SASH1: variants seen among roughly 807,000 people sequenced by gnomAD.
The protein encoded by SASH1 is SAM and SH3 domain containing 1.
Under a neutral mutation model 125.2 loss-of-function variants are expected in SASH1, and 44 were observed. That is an observed-to-expected ratio of 0.35 (90% CI 0.28 to 0.45). The LOEUF (loss-of-function observed/expected upper bound fraction) is 0.45, where lower values mean the gene tolerates loss of function less well. SASH1 is among the 20% of genes least tolerant of loss of function. The pLI is 1.00. For missense variants in SASH1, 1,426 were observed against 1,614.5 expected, an observed-to-expected ratio of 0.88 and a Z score of 2.00; for synonymous variants, 639 against 649.1, an observed-to-expected ratio of 0.98 and a Z score of 0.24.
At chr6:148,498,124 C>A (rs1042021570) in intron 8 of SASH1, among the ~76,000 whole-genome samples, 1 of 151,836 alleles carries the variant, frequency 6.6e-6, no homozygotes, top group Admixed American at 6.6e-5. Flanking sequence ...TGGCTCACAC[C>A]TGTAATCCCA....
intron 1 of SASH1, among the ~76,000 whole-genome samples, chr6:148,335,618 G>A (rs865899999): frequency 6.6e-6 from 1 of 151,958 alleles, no homozygotes. Flanking sequence ...CAGGGAGGGA[G>A]GGTTGGATCA....
the SASH1 span, among the ~76,000 whole-genome samples, chr6:148,239,462 A>C: frequency 1.3e-5 from 2 of 152,166 alleles, no homozygotes; most frequent in South Asian, 4.1e-4. Context: ...AACCTCTGTG[A>C]AAGGGAAGCT....
the SASH1 span, among the ~76,000 whole-genome samples, chr6:148,214,725 G>A: frequency 6.6e-6 from 1 of 152,150 alleles, no homozygotes; most frequent in Non-Finnish European, 1.5e-5. Flanking sequence ...ATATATTAGA[G>A]AATTCGTGCT....
At chr6:148,346,924 T>C (rs9322146) in intron 1 of SASH1, among the ~76,000 whole-genome samples, 117,150 of 152,126 alleles carry the variant, frequency 0.77, 45,476 homozygotes, top group African/African-American at 0.89. Flanking sequence ...AGCATGTCAC[T>C]TCTCCCTGTG....
chr6:148,286,881 C>T (rs1386371579), intron 1 of SASH1, among the ~76,000 whole-genome samples: 1 of 152,132 alleles, frequency 6.6e-6, no homozygotes, highest in African/African-American at 2.4e-5. Context: ...CCAGAGCGGT[C>T]CAGAGACTCA....
chr6:148,389,203 G>C (rs1783600678), intron 1 of SASH1, among the ~76,000 whole-genome samples: 1 of 152,054 alleles, frequency 6.6e-6, no homozygotes, highest in Non-Finnish European at 1.5e-5. Flanking sequence ...GCCGGCTAAA[G>C]TCTAAGCGCT....
At chr6:148,477,098 A>C (rs1348942645) in intron 7 of SASH1, among the ~76,000 whole-genome samples, 1 of 152,222 alleles carries the variant, frequency 6.6e-6, no homozygotes, top group Non-Finnish European at 1.5e-5. Context: ...TTAAGACTCA[A>C]CTATGAAACT....
chr6:148,261,552 A>G, the SASH1 span, among the ~76,000 whole-genome samples: 1 of 152,204 alleles, frequency 6.6e-6, no homozygotes, highest in South Asian at 2.1e-4. Flanking sequence ...AAGGATTTCT[A>G]GATACAGGTG....
chr6:148,456,428 CT>C (rs1339108645), intron 4 of SASH1, among the ~76,000 whole-genome samples: 1 of 152,242 alleles, frequency 6.6e-6, no homozygotes, highest in Non-Finnish European at 1.5e-5. Context: ...AGAGGAGCCC[CT>C]GCCAGCCTCA....
chr6:148,321,154 G>A (rs1204399828), intron 1 of SASH1, among the ~76,000 whole-genome samples: 1 of 152,176 alleles, frequency 6.6e-6, no homozygotes, highest in Admixed American at 6.6e-5. Flanking sequence ...TGCCTTGTGA[G>A]GCCAAGGCAG....
At chr6:148,514,064 C>A in intron 8 of SASH1, 1 of 1,190,246 alleles carries the variant, frequency 8.4e-7, no homozygotes, top group Non-Finnish European at 1.0e-6. Flanking sequence ...GAGACAGATG[C>A]CCCCACAGGC....
chr6:148,338,182 G>A (rs1458969047), upstream of SASH1, among the ~76,000 whole-genome samples: 1 of 152,126 alleles, frequency 6.6e-6, no homozygotes, highest in Non-Finnish European at 1.5e-5. Flanking sequence ...CACCACTTTG[G>A]GAGGCCAAGG....
chr6:148,537,820 GTGTGTGTGTGTGGT>G (rs1279828023), intron 16 of SASH1, among the ~76,000 whole-genome samples: 5 of 135,910 alleles, frequency 3.7e-5, no homozygotes, highest in Admixed American at 7.5e-5. Flanking sequence ...GTGTGTGTGT[GTGTGTGTGTGTGGT>G]TGGTGAGGCT....
chr6:148,343,071 G>A lies in SASH1; in HGVS notation c.4G>A (p.Glu2Lys). 6.7e-7 allele frequency: 1 copy of A among 1,497,742 alleles called. No individual in the cohort carries two copies. Among genetic ancestry groups the A allele is most frequent in the Non-Finnish European group, 8.9e-7 (1 of 1,128,780 alleles). The allele number at this position is 1,497,742 out of a possible 1,614,324, so 92.8% of individuals were successfully genotyped here. Residue 2 changes from glutamate (E) to lysine (K), a missense_variant, in exon 1 of 20, where the codon GAG becomes AAG. Glu to Lys is a moderately conservative substitution (Grantham distance 56, BLOSUM62 1). Transcript: ENST00000367467. Reference protein sequence around the residue: MEDAGAAGPGPE... With the variant: MKDAGAAGPGPE... The stretch of plus-strand genomic sequence containing the variant: ...GGCCCGCGCGCGGGACACGGCCATG[G>A]AGGACGCGGGAGCAGCTGGCCCGGG...
intron 1 of SASH1, among the ~76,000 whole-genome samples, chr6:148,293,614 G>C (rs540805179): frequency 3.5e-4 from 53 of 152,134 alleles, no homozygotes; most frequent in Non-Finnish European, 6.2e-4. Context: ...TGGAGGGGGA[G>C]GGGGAGGGGA....
chr6:148,197,485 T>C, the SASH1 span, among the ~76,000 whole-genome samples: 2 of 152,178 alleles, frequency 1.3e-5, no homozygotes, highest in East Asian at 3.8e-4. Flanking sequence ...CCAAGTCCTT[T>C]CTAGAAAATT....
chr6:148,433,980 G>A (rs1000305803), intron 2 of SASH1, among the ~76,000 whole-genome samples: 1 of 151,358 alleles, frequency 6.6e-6, no homozygotes, highest in Non-Finnish European at 1.5e-5. Flanking sequence ...GTAACCATTG[G>A]CGTGTAGAAT....
At chr6:148,478,136 C>CA (rs1342359689) in intron 7 of SASH1, among the ~76,000 whole-genome samples, 1 of 151,964 alleles carries the variant, frequency 6.6e-6, no homozygotes, top group East Asian at 1.9e-4. Flanking sequence ...CCTCACAATA[C>CA]AAAAAAATAG....
chr6:148,361,359 A>AG (rs1782196722), intron 1 of SASH1, among the ~76,000 whole-genome samples: 1 of 152,196 alleles, frequency 6.6e-6, no homozygotes, highest in South Asian at 2.1e-4. Context: ...GCACTTTGGG[A>AG]GGGCAAGGCG....
Sources: gnomAD v4.1 joint callset for allele counts (sites outside exome capture counted in the v4.1 genomes callset) on GRCh38, gnomAD v4.1.1 for gene constraint, MANE v1.5 for transcripts, NCBI Gene and HGNC (gene_info 2026-07-23, HGNC 2026-07-21) for gene names.